DGKB: variants seen among roughly 807,000 people sequenced by gnomAD.
The protein encoded by DGKB is 90 kDa diacylglycerol kinase.
DGKB carries 67 observed loss-of-function variants against 114.3 expected under a neutral mutation model. The observed-to-expected ratio is 0.59, with a 90% CI of 0.48 to 0.72. The LOEUF (loss-of-function observed/expected upper bound fraction) is 0.72, where lower values mean the gene tolerates loss of function less well. DGKB is among the 30% of genes least tolerant of loss of function. The pLI, the probability that DGKB is intolerant of heterozygous loss-of-function variation, is 0.00. For synonymous variants in DGKB, 398 were observed against 323.1 expected, an observed-to-expected ratio of 1.23 and a Z score of -2.49; for missense variants, 907 against 975.2, an observed-to-expected ratio of 0.93 and a Z score of 0.93.
chr7:14,697,791 G>GAAAGAAAGAAAGAGAAAGAAAGA (rs1563943678), intron 8 of DGKB, among the ~76,000 whole-genome samples: 3 of 116,300 alleles, frequency 2.6e-5, no homozygotes, highest in African/African-American at 1.1e-4. Context: ...AGAAAGAAAG[G>GAAAGAAAGAAAGAGAAAGAAAGA]AAGGAAGGAA....
chr7:14,559,873 CTTTTT>C (rs538550419), intron 20 of DGKB, among the ~76,000 whole-genome samples: 2 of 151,444 alleles, frequency 1.3e-5, no homozygotes, highest in Non-Finnish European at 2.9e-5. Flanking sequence ...CTTTTCTTTT[CTTTTT>C]TTTACTTTTC....
At chr7:14,262,380 G>C (rs1226925210) in intron 23 of DGKB, among the ~76,000 whole-genome samples, 1 of 152,128 alleles carries the variant, frequency 6.6e-6, no homozygotes, top group African/African-American at 2.4e-5. Flanking sequence ...TTTTTTATAA[G>C]AGACACCCAG....
chr7:14,287,789 C>T (rs1801110638), intron 23 of DGKB, among the ~76,000 whole-genome samples: 1 of 152,124 alleles, frequency 6.6e-6, no homozygotes, highest in Non-Finnish European at 1.5e-5. Context: ...GTCCAATTAC[C>T]ATTTAATATT....
rs201340208 is a variant in DGKB, at chr7:14,693,256, T to C, written c.711+819A>G. ...TTAAGTAGACATGTTATTCTATACA[T>C]AGTATATCTAATTATTGCATAACTA... is the stretch of plus-strand genomic sequence containing the variant. On this transcript the variant is annotated intron_variant, in intron 9 of 25. Transcript: ENST00000402815. Among the ~76,000 whole-genome samples, 6 of 152,206 alleles carry C rather than the reference T, an allele frequency of 3.9e-5. No homozygotes were observed. The East Asian group carries it at 1.2e-3, about 29-fold the overall frequency.
chr7:14,436,950 G>C (rs1217174136), intron 21 of DGKB, among the ~76,000 whole-genome samples: 3 of 151,982 alleles, frequency 2.0e-5, no homozygotes, highest in African/African-American at 7.2e-5. Flanking sequence ...TGCTTTCCTA[G>C]TATCCATTAA....
rs1798235804 is a variant in DGKB, at chr7:14,271,268, A to G, written c.2122+67247T>C. Among the ~76,000 whole-genome samples the G allele has an allele frequency of 2.6e-5, 4 of 152,198 alleles. No homozygotes were observed. In the South Asian group the frequency reaches 8.3e-4, roughly 31 times the overall value. On this transcript the variant is annotated intron_variant, in intron 23 of 25. Coordinates refer to ENST00000402815, the MANE Select transcript of DGKB (RefSeq NM_001350709.2). Reference sequence around the variant, plus strand: ...AGAGATAACATGAGAAGCAGAATATATAGTGGTCCAAACTGTGTTGCTCAC... The same window carrying G: ...AGAGATAACATGAGAAGCAGAATATGTAGTGGTCCAAACTGTGTTGCTCAC...
chr7:14,633,875 T>C (rs1202170923), intron 13 of DGKB, among the ~76,000 whole-genome samples: 2 of 151,650 alleles, frequency 1.3e-5, no homozygotes, highest in African/African-American at 4.8e-5. Flanking sequence ...TTAAGTTCAA[T>C]TTAATATCAA....
At chr7:14,428,427 G>C (rs1227707842) in intron 21 of DGKB, among the ~76,000 whole-genome samples, 1 of 152,020 alleles carries the variant, frequency 6.6e-6, no homozygotes. Flanking sequence ...TTGTTGTTTT[G>C]CATCGAGGTT....
At chr7:14,306,688 G>C (rs145170065) in intron 23 of DGKB, among the ~76,000 whole-genome samples, 2 of 152,190 alleles carry the variant, frequency 1.3e-5, no homozygotes, top group African/African-American at 4.8e-5. Flanking sequence ...TGTTGTGCTG[G>C]AAACCACATC....
intron 2 of DGKB, among the ~76,000 whole-genome samples, chr7:14,825,995 T>C (rs1264410547): frequency 2.0e-5 from 3 of 152,158 alleles, no homozygotes; most frequent in African/African-American, 7.2e-5. Context: ...CTTTGACCAC[T>C]TATGGGATTA....
intron 19 of DGKB, among the ~76,000 whole-genome samples, chr7:14,574,659 A>T (rs2128710811): frequency 6.6e-6 from 1 of 152,302 alleles, no homozygotes; most frequent in Non-Finnish European, 1.5e-5. Flanking sequence ...ACAAAACTTT[A>T]TACCAATAGA....
At chr7:14,254,759 C>T (rs992445143) in intron 23 of DGKB, among the ~76,000 whole-genome samples, 2 of 152,090 alleles carry the variant, frequency 1.3e-5, no homozygotes, top group Non-Finnish European at 2.9e-5. Context: ...ATAGCAAATG[C>T]AGCAGTGTGT....
At chr7:14,843,398 A>G (rs535514018) in intron 1 of DGKB, among the ~76,000 whole-genome samples, 38 of 125,268 alleles carry the variant, frequency 3.0e-4, no homozygotes, top group Admixed American at 6.6e-4. Flanking sequence ...GCAGTGGCGC[A>G]ATCTCGGCTC....
intron 1 of DGKB, among the ~76,000 whole-genome samples, chr7:14,895,602 A>G (rs1255675226): frequency 6.6e-6 from 1 of 151,602 alleles, no homozygotes; most frequent in African/African-American, 2.4e-5. Flanking sequence ...CCAAAGTGCA[A>G]CCTTTAGTAC....
chr7:14,290,128 C>T (rs754878337), intron 23 of DGKB, among the ~76,000 whole-genome samples: 5 of 152,134 alleles, frequency 3.3e-5, no homozygotes, highest in Non-Finnish European at 7.3e-5. Context: ...ACTGCAGGAA[C>T]CTGACCTCAA....
intron 2 of DGKB, among the ~76,000 whole-genome samples, chr7:14,777,640 G>T (rs1838402441): frequency 1.3e-5 from 2 of 152,084 alleles, no homozygotes; most frequent in African/African-American, 2.4e-5. Context: ...TTTCCTGAGG[G>T]TTCCCTAGCC....
At chr7:14,889,400 T>C (rs562788436) in intron 1 of DGKB, among the ~76,000 whole-genome samples, 3 of 151,792 alleles carry the variant, frequency 2.0e-5, no homozygotes, top group African/African-American at 7.2e-5. Context: ...GGGGAGCTTC[T>C]TGTGGCATTT....
At position 14,415,299 on chromosome 7, in the gene DGKB, T is replaced by C. The variant is rs554523767; in HGVS notation, c.1835+62862A>G. 7.7e-4 allele frequency among the ~76,000 whole-genome samples: 117 copies of C among 152,172 alleles called. 1 individual carries two copies. In the East Asian group the frequency reaches 0.017, roughly 22 times the overall value. ...TAGTATTATTATACTTTAAAAGCTT[T>C]AGTGTACATGTGCACAACGTGCAGG... On this transcript the variant is annotated intron_variant, in intron 21 of 25. Coordinates refer to ENST00000402815, the MANE Select transcript of DGKB (RefSeq NM_001350709.2).
rs1807983345 is a variant in DGKB at position 14,623,328 on chromosome 7, T to C, written c.1168-1834A>G. ...CCTATATTTGCTTGTTAGAGTACCA[T>C]TTCAATTTCTATAATTTAGAAAGAT... is the stretch of plus-strand genomic sequence containing the variant. On this transcript the variant is annotated intron_variant, in intron 14 of 25. Coordinates refer to ENST00000402815, the MANE Select transcript of DGKB (RefSeq NM_001350709.2). 2.0e-5 allele frequency among the ~76,000 whole-genome samples: 3 copies of C among 152,178 alleles called. No homozygotes were observed. In the South Asian group the frequency reaches 6.2e-4, roughly 31 times the overall value.
Sources: gnomAD v4.1 joint callset for allele counts (sites outside exome capture counted in the v4.1 genomes callset) on GRCh38, gnomAD v4.1.1 for gene constraint, MANE v1.5 for transcripts, NCBI Gene and HGNC (gene_info 2026-07-23, HGNC 2026-07-21) for gene names.